Variants in CTBP1 observed in about 807,000 individuals in gnomAD.
CTBP1 encodes the protein C-terminal binding protein 1, also known as C-terminal-binding protein 1.
A neutral mutation model predicts 42.1 loss-of-function variants in CTBP1; 11 were observed. The ratio of observed to expected loss-of-function variants is 0.26; its 90% CI spans 0.16 to 0.43. The LOEUF (loss-of-function observed/expected upper bound fraction) is 0.43. CTBP1 is among the 20% of genes least tolerant of loss of function. The probability of loss-of-function intolerance (pLI) is 1.00; values close to 1 mark genes in which losing one functional copy is unlikely to be tolerated. For synonymous variants in CTBP1, 324 were observed against 277.1 expected, an observed-to-expected ratio of 1.17 and a Z score of -1.68; for missense variants, 399 against 624.3, an observed-to-expected ratio of 0.64 and a Z score of 3.85.
chr4:1,233,707 C>T lies in CTBP1; in HGVS notation c.162+4476G>A, dbSNP rs1731196106. On this transcript the variant is annotated intron_variant, in intron 3 of 9. Coordinates refer to ENST00000382952, the MANE Select transcript of CTBP1 (RefSeq NM_001012614.2). The surrounding 1 kb of genome is among the most constrained non-coding windows in gnomAD (Gnocchi z 4.6). ...AGTCCTGAACCTGAACACTGGGGCG[C>T]CTCCCAGGCCCCGACATTCTTCCCG... Among the ~76,000 whole-genome samples the T allele has an allele frequency of 6.6e-6, 1 of 152,196 alleles. No individual in the cohort carries two copies. The highest frequency in any genetic ancestry group is 6.5e-5 in the Admixed American group (1 of 15,278).
chr4:1,248,929 C>G lies in CTBP1; in HGVS notation c.-202G>C. On this transcript the variant is annotated 5_prime_UTR_variant, in exon 1 of 10. Transcript: ENST00000382952. The stretch of plus-strand genomic sequence containing the variant: ...GCGCGGCCTTACCAAGCGGCAGGCC[C>G]TTGTTGAGCAAGTGCGAGCTGCCCA... 9.9e-7 allele frequency: 1 copy of G among 1,012,346 alleles called. No homozygotes were observed. The highest frequency in any genetic ancestry group is 1.2e-6 in the Non-Finnish European group (1 of 841,284). The allele number at this position is 1,012,346 out of a possible 1,614,324, so 62.7% of individuals were successfully genotyped here.
chr4:1,229,750 T>C (rs760536290), intron 3 of CTBP1, among the ~76,000 whole-genome samples: 1 of 152,148 alleles, frequency 6.6e-6, no homozygotes, highest in Non-Finnish European at 1.5e-5. Flanking sequence ...ACCACCCAGC[T>C]GCAACCCCTT....
At position 1,213,394 on chromosome 4, in the gene CTBP1, G is replaced by A. The variant is rs1429538333; in HGVS notation, c.988+84C>T. ...CCTGAGCTGGCAGAACATGGGCCTG[G>A]CTGCCAGGCGGATGCGAGCCCATGA... On this transcript the variant is annotated intron_variant, in intron 8 of 9. Coordinates refer to ENST00000382952, the MANE Select transcript of CTBP1 (RefSeq NM_001012614.2). 3.8e-6 allele frequency: 6 copies of A among 1,581,082 alleles called. No individual in the cohort carries two copies. The Middle Eastern group carries it at 6.4e-4, about 169-fold the overall frequency.
At chr4:1,224,157 C>T (rs984119462) in intron 5 of CTBP1, among the ~76,000 whole-genome samples, 8 of 152,200 alleles carry the variant, frequency 5.3e-5, no homozygotes, top group African/African-American at 1.2e-4. Context: ...ACACATATGC[C>T]GGTATCTATC....
chr4:1,224,124 G>A (rs1041533887), intron 5 of CTBP1, among the ~76,000 whole-genome samples: 4 of 152,262 alleles, frequency 2.6e-5, no homozygotes, highest in Non-Finnish European at 2.9e-5. Context: ...GCACATGCTA[G>A]ACCGTGGTTG....
intron 4 of CTBP1, among the ~76,000 whole-genome samples, chr4:1,227,151 A>G (rs1730438702): frequency 1.3e-5 from 2 of 152,112 alleles, no homozygotes; most frequent in Admixed American, 6.5e-5. Flanking sequence ...ACACATGTGC[A>G]TGTTCCATGT....
rs1042666621 is a variant in CTBP1, at chr4:1,238,564, C to T, written c.8-227G>A. ...GGACACAGACTGTGGACACCCACTA[C>T]CATCTCCCTTGGGCACAGGACCTCC... is the stretch of plus-strand genomic sequence containing the variant. On this transcript the variant is annotated intron_variant, in intron 2 of 9. Transcript: ENST00000382952. The surrounding 1 kb of genome is among the most constrained non-coding windows in gnomAD (Gnocchi z 5.9). 3.9e-5 allele frequency among the ~76,000 whole-genome samples: 6 copies of T among 152,100 alleles called. No individual in the cohort carries two copies. The East Asian group carries it at 5.8e-4, about 15-fold the overall frequency.
In CTBP1 at chr4:1,216,218, A is replaced by G. The variant is rs1448860481; in HGVS notation, c.515-13T>C. 6.2e-7 allele frequency: 1 copy of G among 1,606,530 alleles called. No homozygotes were observed. Among genetic ancestry groups the G allele is most frequent in the Non-Finnish European group, 8.5e-7 (1 of 1,178,372 alleles). On this transcript the variant is annotated splice_polypyrimidine_tract_variant and intron_variant, in intron 5 of 9. Coordinates refer to ENST00000382952, the MANE Select transcript of CTBP1 (RefSeq NM_001012614.2). ...TGCCCCACGCGACCTGGTGGCGTCA[A>G]GACACAGTGTGAGACCCTTGCTCAC...
chr4:1,218,869 G>A (rs1369101077), intron 5 of CTBP1, among the ~76,000 whole-genome samples: 1 of 152,076 alleles, frequency 6.6e-6, no homozygotes, highest in African/African-American at 2.4e-5. Context: ...AGGCCAGAAA[G>A]GAAAAACAAG....
rs576604389 is a variant in CTBP1, at chr4:1,237,088, ACCT to A, written c.162+1092_162+1094del. 1.5e-4 allele frequency: 101 copies of A among 668,600 alleles called. No homozygotes were observed. The East Asian group carries it at 2.6e-3, about 17-fold the overall frequency. The allele number at this position is 668,600 out of a possible 1,614,324, so 41.4% of individuals were successfully genotyped here. ...GGGGCTCAGGGAAAACCCCGTGTCC[ACCT>A]CCTGATGAGGCTCAGGAGAAACCGA... On this transcript the variant is annotated intron_variant, in intron 3 of 9. Coordinates refer to ENST00000382952, the MANE Select transcript of CTBP1 (RefSeq NM_001012614.2).
rs560389652 is a variant in CTBP1, at chr4:1,242,263, G to A, written c.-188-744C>T. 7.0e-5 allele frequency: 69 copies of A among 985,356 alleles called. No homozygotes were observed. In the African/African-American group the frequency reaches 9.8e-4, roughly 14 times the overall value. 61.0% of individuals were successfully genotyped at this position (985,356 alleles called of 1,614,324 possible). A position where few individuals can be genotyped will look rare whatever the true frequency, so the allele number is the denominator to read the frequency against. Reference sequence around the variant, plus strand: ...GAGTGCACACGATCGCCCAGCCCTCGGGAGGGTGTCACTGAGCTGCCCACA... The same window carrying A: ...GAGTGCACACGATCGCCCAGCCCTCAGGAGGGTGTCACTGAGCTGCCCACA... On this transcript the variant is annotated intron_variant, in intron 1 of 9. Transcript: ENST00000382952.
chr4:1,214,318 G>C, intron 7 of CTBP1, 25 bp downstream of exon 7: 4 of 1,528,394 alleles, frequency 2.6e-6, no homozygotes, highest in Non-Finnish European at 3.5e-6. Context: ...GAAGAGCAGG[G>C]GGGCGGCACT....
At chr4:1,222,258 G>A (rs1729824460) in intron 5 of CTBP1, among the ~76,000 whole-genome samples, 1 of 152,134 alleles carries the variant, frequency 6.6e-6, no homozygotes, top group South Asian at 2.1e-4. Context: ...TGCCAGGTGG[G>A]CAGCCGGGGT....
At chr4:1,230,937 G>A (rs1479147151) in intron 3 of CTBP1, among the ~76,000 whole-genome samples, 1 of 152,248 alleles carries the variant, frequency 6.6e-6, no homozygotes, top group Non-Finnish European at 1.5e-5. Context: ...CTGCCTCCCC[G>A]ACGAGGCTTT....
At chr4:1,243,994 G>A (rs534465872) in intron 1 of CTBP1, 1 of 985,398 alleles carries the variant, frequency 1.0e-6, no homozygotes, top group African/African-American at 1.7e-5. Flanking sequence ...CTATTTTCCT[G>A]TAAATCTAAG....
At chr4:1,244,550 C>G in intron 1 of CTBP1, 3 of 984,872 alleles carry the variant, frequency 3.0e-6, no homozygotes, top group Non-Finnish European at 3.6e-6. Flanking sequence ...CCCTCCCTCA[C>G]GACCTCCACC....
At chr4:1,216,251 C>T (rs1208121517) in intron 5 of CTBP1, 46 bp from the exon 6 acceptor site, 8 of 1,555,322 alleles carry the variant, frequency 5.1e-6, no homozygotes, top group Admixed American at 3.7e-5. Flanking sequence ...CACCCGTGGC[C>T]GGGAGGCCGG....
chr4:1,243,052 C>T lies in CTBP1; in HGVS notation c.-188-1533G>A, dbSNP rs3755931. On this transcript the variant is annotated intron_variant, in intron 1 of 9. Transcript: ENST00000382952. ...GATACGGGCCAATACTCATTGATAC[C>T]GGCTGATACTCATTGATACCAGTCA... The T allele has an allele frequency of 0.017, 16,989 of 985,352 alleles. 576 individuals carry two copies. In the East Asian group the frequency reaches 0.21, roughly 12 times the overall value. The allele number at this position is 985,352 out of a possible 1,614,324, so 61.0% of individuals were successfully genotyped here. A position where few individuals can be genotyped will look rare whatever the true frequency, so the allele number is the denominator to read the frequency against.
intron 2 of CTBP1, among the ~76,000 whole-genome samples, 186 bp downstream of exon 2, chr4:1,241,139 G>C (rs1732135602): frequency 6.6e-6 from 1 of 152,230 alleles, no homozygotes; most frequent in South Asian, 2.1e-4. Flanking sequence ...CAGGTGTGCA[G>C]GAAGCCCTCC....
Sources: allele counts gnomAD v4.1 joint callset (sites outside exome capture counted in the v4.1 genomes callset), GRCh38; gene constraint gnomAD v4.1.1; non-coding constraint Gnocchi (gnomAD v3.1); transcripts MANE v1.5; gene names NCBI Gene and HGNC (gene_info 2026-07-23, HGNC 2026-07-21).